Variants in KCNH1 observed in about 807,000 individuals in gnomAD.
KCNH1 encodes the protein potassium voltage-gated channel subfamily H member 1.
KCNH1 carries 27 observed loss-of-function variants against 69.2 expected under a neutral mutation model. The ratio of observed to expected loss-of-function variants is 0.39; its 90% confidence interval spans 0.29 to 0.54. The LOEUF (loss-of-function observed/expected upper bound fraction) is 0.54. Among genes scored for constraint, KCNH1 ranks in the 20% least tolerant of loss-of-function variants. KCNH1 has a pLI of 0.68. For synonymous variants in KCNH1, 456 were observed against 487.7 expected, an observed-to-expected ratio of 0.93 and a Z score of 0.86; for missense variants, 798 against 1,261.6, an observed-to-expected ratio of 0.63 and a Z score of 5.57.
intron 7 of KCNH1, among the ~76,000 whole-genome samples, chr1:210,888,247 A>G (rs943806907): frequency 6.6e-6 from 1 of 152,226 alleles, no homozygotes; most frequent in African/African-American, 2.4e-5. Flanking sequence ...ACTCAGGATT[A>G]AGAAACTCAC....
intron 6 of KCNH1, among the ~76,000 whole-genome samples, chr1:211,011,513 A>C (rs1689393497): frequency 1.3e-5 from 2 of 152,212 alleles, no homozygotes; most frequent in African/African-American, 4.8e-5. Context: ...TTGCTGGGTC[A>C]AATGGTATTT....
chr1:210,704,558 G>A (rs1205904462), intron 10 of KCNH1, among the ~76,000 whole-genome samples: 1 of 152,160 alleles, frequency 6.6e-6, no homozygotes, highest in Non-Finnish European at 1.5e-5. Flanking sequence ...CTTTGTGGTT[G>A]ACAGAAAGCC....
intron 9 of KCNH1, among the ~76,000 whole-genome samples, chr1:210,793,668 T>C (rs1487838156): frequency 6.6e-6 from 1 of 152,234 alleles, no homozygotes; most frequent in Non-Finnish European, 1.5e-5. Flanking sequence ...TAGCAGAATG[T>C]AAATGAGTGA....
chr1:211,021,567 A>G (rs1689586364), intron 5 of KCNH1, among the ~76,000 whole-genome samples: 2 of 124,070 alleles, frequency 1.6e-5, no homozygotes, highest in African/African-American at 6.8e-5. Flanking sequence ...ATTTAGAGAA[A>G]CATAGACTAC....
chr1:210,948,673 C>CA (rs995236202), intron 6 of KCNH1, among the ~76,000 whole-genome samples: 16 of 150,372 alleles, frequency 1.1e-4, no homozygotes, highest in African/African-American at 2.4e-4. Flanking sequence ...ACTAAAAATA[C>CA]AAAAAAAAAT....
chr1:210,816,178 C>T (rs1684811983), intron 7 of KCNH1, among the ~76,000 whole-genome samples: 1 of 152,160 alleles, frequency 6.6e-6, no homozygotes, highest in Non-Finnish European at 1.5e-5. Flanking sequence ...AAAACAGATA[C>T]ATTCCCTATT....
chr1:210,974,299 T>G lies in KCNH1; in HGVS notation c.1032+44484A>C, dbSNP rs116751653. 5.0e-3 allele frequency among the ~76,000 whole-genome samples: 762 copies of G among 152,246 alleles called. 6 individuals are homozygous for G. The highest frequency in any genetic ancestry group is 0.017 in the African/African-American group (726 of 41,568). Reference sequence around the variant, plus strand: ...AATATGAACTTGTGGATTTTTTCTTTTATCATATTAATACAGTATATTACA... The same window carrying G: ...AATATGAACTTGTGGATTTTTTCTTGTATCATATTAATACAGTATATTACA... On this transcript the variant is annotated intron_variant, in intron 6 of 10. Transcript: ENST00000271751.
At chr1:210,805,945 T>C (rs1397040056) in intron 7 of KCNH1, among the ~76,000 whole-genome samples, 1 of 152,238 alleles carries the variant, frequency 6.6e-6, no homozygotes, top group Non-Finnish European at 1.5e-5. Flanking sequence ...ACTACTCTAT[T>C]GTGTGGATAT....
At chr1:211,007,026 T>C (rs1689299281) in intron 6 of KCNH1, among the ~76,000 whole-genome samples, 1 of 152,208 alleles carries the variant, frequency 6.6e-6, no homozygotes, top group Non-Finnish European at 1.5e-5. Context: ...CTTATTTCTT[T>C]ATTTCTACAT....
chr1:211,027,086 T>C (rs767066161), intron 5 of KCNH1, among the ~76,000 whole-genome samples: 9 of 152,044 alleles, frequency 5.9e-5, no homozygotes, highest in Non-Finnish European at 1.2e-4. Flanking sequence ...AGACATCAAA[T>C]GGAATGAAAA....
intron 7 of KCNH1, among the ~76,000 whole-genome samples, chr1:210,866,511 G>T (rs1686113876): frequency 6.6e-6 from 1 of 152,088 alleles, no homozygotes; most frequent in African/African-American, 2.4e-5. Flanking sequence ...CACATGAAAA[G>T]ATGTTCAACA....
intron 7 of KCNH1, among the ~76,000 whole-genome samples, chr1:210,864,865 T>C (rs911678028): frequency 6.6e-6 from 1 of 152,230 alleles, no homozygotes; most frequent in African/African-American, 2.4e-5. Flanking sequence ...TTCATTCACA[T>C]AACTGGTGGT....
At chr1:210,895,237 T>C (rs1055088715) in intron 7 of KCNH1, among the ~76,000 whole-genome samples, 85 of 152,104 alleles carry the variant, frequency 5.6e-4, no homozygotes, top group Non-Finnish European at 1.2e-4. Flanking sequence ...ACAGTGTCTT[T>C]TAACACTGGA....
intron 6 of KCNH1, among the ~76,000 whole-genome samples, chr1:210,965,027 G>C (rs936894864): frequency 6.6e-5 from 10 of 152,132 alleles, no homozygotes; most frequent in Admixed American, 5.9e-4. Context: ...ATGCAGAAAA[G>C]GCTTTCGATA....
At chr1:210,718,562 T>C (rs1341086549) in intron 10 of KCNH1, among the ~76,000 whole-genome samples, 1 of 119,466 alleles carries the variant, frequency 8.4e-6, no homozygotes, top group Non-Finnish European at 1.7e-5. Flanking sequence ...ATATAAAATA[T>C]ATACATATAT....
chr1:210,878,974 A>G (rs1014046032), intron 7 of KCNH1, among the ~76,000 whole-genome samples: 1 of 152,070 alleles, frequency 6.6e-6, no homozygotes, highest in African/African-American at 2.4e-5. Context: ...ATGAACATTA[A>G]AAGGATAATA....
chr1:210,827,243 G>A (rs542537905), intron 7 of KCNH1, among the ~76,000 whole-genome samples: 18 of 152,294 alleles, frequency 1.2e-4, no homozygotes, highest in African/African-American at 4.1e-4. Flanking sequence ...GGCTGAGGCA[G>A]GAGAATTGCT....
chr1:210,827,713 T>C (rs2102434851), intron 7 of KCNH1, among the ~76,000 whole-genome samples: 1 of 152,262 alleles, frequency 6.6e-6, no homozygotes, highest in Non-Finnish European at 1.5e-5. Flanking sequence ...ATCCAGAACA[T>C]AATGGTAGTT....
intron 10 of KCNH1, among the ~76,000 whole-genome samples, chr1:210,729,296 C>T (rs1682684584): frequency 6.6e-6 from 1 of 152,190 alleles, no homozygotes; most frequent in South Asian, 2.1e-4. Flanking sequence ...CTGACCCAAA[C>T]TTTGGTTAAG....
Sources: allele counts gnomAD v4.1 joint callset (sites outside exome capture counted in the v4.1 genomes callset), GRCh38; gene constraint gnomAD v4.1.1; transcripts MANE v1.5; gene names NCBI Gene and HGNC (gene_info 2026-07-23, HGNC 2026-07-21).